The following PCDHGA3 variants were observed in gnomAD, a reference collection of about 807,000 sequenced individuals.
PCDHGA3 encodes the protein protocadherin gamma subfamily A, 3, also known as protocadherin gamma-A3.
In PCDHGA3, 40 loss-of-function variants were observed where a neutral mutation model predicts 58.5. The ratio of observed to expected loss-of-function variants is 0.68; its 90% CI spans 0.53 to 0.89. The LOEUF (loss-of-function observed/expected upper bound fraction) is 0.89, where lower values mean the gene tolerates loss of function less well. Ranked by LOEUF, PCDHGA3 falls within the 40% of genes least tolerant of loss-of-function variation. PCDHGA3 has a pLI of 0.00. For missense variants in PCDHGA3, 1,223 were observed against 1,195.9 expected, an observed-to-expected ratio of 1.02 and a Z score of -0.33; for synonymous variants, 530 against 525.7, an observed-to-expected ratio of 1.01 and a Z score of -0.11.
chr5:141,412,987 A>C lies in PCDHGA3; in HGVS notation c.2424+66530A>C, dbSNP rs192699644. Reference sequence around the variant, plus strand: ...AGGAGAGAAAACGCAGCCAGAGCTCAATCCGGATTCTCAGGGCTTCAACTA... The same window carrying C: ...AGGAGAGAAAACGCAGCCAGAGCTCCATCCGGATTCTCAGGGCTTCAACTA... On this transcript the variant is annotated intron_variant, in intron 1 of 3. Transcript: ENST00000253812. The C allele has an allele frequency of 5.3e-6, 3 of 564,534 alleles. No homozygotes were observed. In the African/African-American group the frequency reaches 5.7e-5, roughly 11 times the overall value. The allele number at this position is 564,534 out of a possible 1,614,324, so 35.0% of individuals were successfully genotyped here.
intron 1 of PCDHGA3, chr5:141,378,088 T>C (rs1218204650): frequency 6.6e-6 from 1 of 152,252 alleles, no homozygotes; most frequent in Non-Finnish European, 1.5e-5. Flanking sequence ...TTATAACTTT[T>C]TTTCAAACTC....
rs377532961 is a variant in PCDHGA3 at position 141,366,656 on chromosome 5, G to A, written c.2424+20199G>A. ...CCTGATCTTTCCCCAGCCCAACTAC[G>A]CAGACACGCTCCTTAGTGAAGAGAG... On this transcript the variant is annotated intron_variant, in intron 1 of 3. Coordinates refer to ENST00000253812, the MANE Select transcript of PCDHGA3 (RefSeq NM_018916.4). 62 of 1,614,120 alleles carry A rather than the reference G, an allele frequency of 3.8e-5. No individual in the cohort carries two copies. In the South Asian group the frequency reaches 4.8e-4, roughly 13 times the overall value.
At position 141,431,367 on chromosome 5, in the gene PCDHGA3, A is replaced by G; in HGVS notation, c.2425-63440A>G. 1.2e-6 allele frequency: 2 copies of G among 1,613,984 alleles called. No homozygotes were observed. The highest frequency in any genetic ancestry group is 2.2e-5 in the South Asian group (2 of 91,084). On this transcript the variant is annotated intron_variant, in intron 1 of 3. Coordinates refer to ENST00000253812, the MANE Select transcript of PCDHGA3 (RefSeq NM_018916.4). This position sits in a 1 kb window ranked among gnomAD's most constrained non-coding sequence, Gnocchi z 4.8. ...GTGCTGAAACGCGCCCTGGACCGCGAAGAAAAGGCTGCTCACCACCTGGTC... is the reference window on the plus strand; with the variant it reads ...GTGCTGAAACGCGCCCTGGACCGCGGAGAAAAGGCTGCTCACCACCTGGTC...
rs1444244130 is a variant in PCDHGA3 at position 141,433,401 on chromosome 5, A to ATCTATCTC, written c.2425-61401_2425-61400insCTCTCTAT. The stretch of plus-strand genomic sequence containing the variant: ...TATCTATCTATCTATCTATCTATCT[A>ATCTATCTC]TCTATTACTTTCTTGTACAGACAGG... On this transcript the variant is annotated intron_variant, in intron 1 of 3. Transcript: ENST00000253812. Among the ~76,000 whole-genome samples, 100 of 150,598 alleles carry ATCTATCTC rather than the reference A, an allele frequency of 6.6e-4. 1 individual carries two copies. Among genetic ancestry groups the ATCTATCTC allele is most frequent in the African/African-American group, 2.4e-3 (100 of 40,958 alleles).
intron 1 of PCDHGA3, chr5:141,410,466 G>A (rs536543649): frequency 6.2e-7 from 1 of 1,613,908 alleles, no homozygotes; most frequent in African/African-American, 1.3e-5. Context: ...TATAATCTGT[G>A]CATTGCACAT....
intron 1 of PCDHGA3, chr5:141,377,057 C>A (rs72790015): frequency 0.063 from 9,654 of 152,822 alleles, 351 homozygotes; most frequent in African/African-American, 0.097. Context: ...TTTTCTTAGC[C>A]CTTTGCAGAG....
chr5:141,386,967 T>C (rs1397962065), intron 1 of PCDHGA3, among the ~76,000 whole-genome samples: 1 of 152,204 alleles, frequency 6.6e-6, no homozygotes, highest in Non-Finnish European at 1.5e-5. Flanking sequence ...CAGATCTCAG[T>C]GACTTTGTGT....
At chr5:141,394,782 A>T (rs779984453) in intron 1 of PCDHGA3, 1 of 1,613,558 alleles carries the variant, frequency 6.2e-7, no homozygotes. Flanking sequence ...TCTCTCCGCC[A>T]CTGTCACGCT....
At chr5:141,371,720 C>G in intron 1 of PCDHGA3, 1 of 1,614,070 alleles carries the variant, frequency 6.2e-7, no homozygotes. Flanking sequence ...CTCTGCACAT[C>G]CTTGATGTCA....
At chr5:141,383,843 A>T in intron 1 of PCDHGA3, 1 of 1,613,970 alleles carries the variant, frequency 6.2e-7, no homozygotes, top group Non-Finnish European at 8.5e-7. Context: ...ACTGCCTTCT[A>T]TGAAATGGAG....
intron 1 of PCDHGA3, chr5:141,355,718 A>G (rs1398891270): frequency 2.5e-6 from 4 of 1,613,872 alleles, no homozygotes; most frequent in Non-Finnish European, 3.4e-6. Context: ...TACCAGCTCA[A>G]CTCAAACGGT....
intron 1 of PCDHGA3, chr5:141,422,754 C>T: frequency 1.2e-6 from 2 of 1,612,450 alleles, no homozygotes; most frequent in Non-Finnish European, 1.7e-6. Flanking sequence ...TCTCTATTAA[C>T]TCCAACACTG....
chr5:141,398,708 T>A, intron 1 of PCDHGA3: 2 of 1,613,886 alleles, frequency 1.2e-6, no homozygotes, highest in Non-Finnish European at 1.7e-6. Context: ...TACCCGGAAC[T>A]GGCACTGGAG....
chr5:141,415,761 T>G (rs1047830043), intron 1 of PCDHGA3: 49 of 1,399,492 alleles, frequency 3.5e-5, no homozygotes, highest in Admixed American at 1.6e-4. Context: ...TTTTTTTTTT[T>G]TTTTTTTTTT....
intron 1 of PCDHGA3, chr5:141,402,983 G>A (rs748129276): frequency 6.2e-6 from 10 of 1,609,166 alleles, no homozygotes; most frequent in African/African-American, 1.3e-5. Flanking sequence ...CCAGCTCCGC[G>A]GAAGATTAGT....
intron 1 of PCDHGA3, chr5:141,419,118 T>C: frequency 6.2e-7 from 1 of 1,613,806 alleles, no homozygotes; most frequent in South Asian, 1.1e-5. Context: ...GAGTACAACG[T>C]CACCATCGCA....
chr5:141,450,842 T>TTTTA (rs1387012749), intron 1 of PCDHGA3, among the ~76,000 whole-genome samples: 1 of 148,196 alleles, frequency 6.7e-6, no homozygotes, highest in African/African-American at 2.5e-5. Context: ...TTTTTTTTTT[T>TTTTA]GAGATGGGGT....
Position 141,399,669 on chromosome 5 carries a change from C to T in PCDHGA3, c.2424+53212C>T, listed in dbSNP as rs2093861369. 1.9e-6 allele frequency: 3 copies of T among 1,613,524 alleles called. No individual in the cohort carries two copies. The African/African-American group carries it at 4.0e-5, about 22-fold the overall frequency. On this transcript the variant is annotated intron_variant, in intron 1 of 3. Coordinates refer to ENST00000253812, the MANE Select transcript of PCDHGA3 (RefSeq NM_018916.4). ...AAAGTGGGGTGGTGTTCGCGCAGCG[C>T]GCCTTTGACTACGAGCAGCTGCGCA...
chr5:141,503,401 C>A (rs987421198), intron 2 of PCDHGA3, among the ~76,000 whole-genome samples: 15 of 151,848 alleles, frequency 9.9e-5, no homozygotes, highest in Non-Finnish European at 1.9e-4. Context: ...TCGAAACCAA[C>A]CTGGCCAATA....
Sources: allele counts gnomAD v4.1 joint callset (sites outside exome capture counted in the v4.1 genomes callset), GRCh38; gene constraint gnomAD v4.1.1; non-coding constraint Gnocchi (gnomAD v3.1); transcripts MANE v1.5; gene names NCBI Gene and HGNC (gene_info 2026-07-23, HGNC 2026-07-21).